Variants in CASD1 observed in about 807,000 individuals in gnomAD.
CASD1 encodes N-acetylneuraminate (7)9-O-acetyltransferase.
CASD1 carries 41 observed loss-of-function variants against 100.0 expected under a neutral mutation model. The observed-to-expected ratio is 0.41, with a 90% CI of 0.32 to 0.53. The LOEUF (loss-of-function observed/expected upper bound fraction) is 0.53, where lower values mean the gene tolerates loss of function less well. Among genes scored for constraint, CASD1 ranks in the 20% least tolerant of loss-of-function variants. The probability of loss-of-function intolerance (pLI) is 0.25; values close to 1 mark genes in which losing one functional copy is unlikely to be tolerated. For missense variants in CASD1, 774 were observed against 948.7 expected (o/e 0.82, Z 2.42); for synonymous variants, 321 against 315.6 (o/e 1.02, Z -0.18).
chr7:94,587,940 T>G, the CASD1 span: 1 of 1,426,826 alleles, frequency 7.0e-7, no homozygotes, highest in Non-Finnish European at 9.1e-7. Flanking sequence ...CCGCTATTCA[T>G]ACTCAGAATT....
intron 13 of CASD1, among the ~76,000 whole-genome samples, chr7:94,547,776 C>T (rs879820329): frequency 3.3e-4 from 50 of 151,696 alleles, no homozygotes; most frequent in Non-Finnish European, 5.3e-4. Context: ...ATTATTTGGG[C>T]AGCATGATAT....
In CASD1 at chr7:94,547,138, T is replaced by C; in HGVS notation, c.1676T>C (p.Phe559Ser). Residue 559 changes from phenylalanine (F) to serine (S), a missense_variant, in exon 13 of 18, where the codon TTT (phenylalanine) becomes TCT (serine). This residue lies in a region of CASD1 where 453 missense variants were observed against 532.6 expected (regional missense o/e 0.85). Coordinates refer to ENST00000297273, the MANE Select transcript of CASD1 (RefSeq NM_022900.5). ...TTTGGCTTACTGTTGAAACTAGGCT[T>C]TTTGCTGTTATTCATATGTTTTTTG... ...WHFGLLLKLG[F>S]LLLFICFLAY... 6.3e-7 allele frequency: 1 copy of C among 1,595,222 alleles called. No homozygotes were observed. Among genetic ancestry groups the C allele is most frequent in the Non-Finnish European group, 8.5e-7 (1 of 1,170,340 alleles).
At chr7:94,548,424 A>G (rs1001842423) in intron 13 of CASD1, among the ~76,000 whole-genome samples, 2 of 151,862 alleles carry the variant, frequency 1.3e-5, no homozygotes, top group Admixed American at 6.6e-5. Flanking sequence ...GTGAATATCT[A>G]TATTCATGCT....
At chr7:94,606,637 A>AGG in the CASD1 span, among the ~76,000 whole-genome samples, 12 of 152,324 alleles carry the variant, frequency 7.9e-5, no homozygotes, top group Non-Finnish European at 1.5e-4. Context: ...GTTTTAATAG[A>AGG]CACTTAGAGA....
intron 3 of CASD1, among the ~76,000 whole-genome samples, chr7:94,520,644 C>A (rs1794212841): frequency 6.6e-6 from 1 of 152,182 alleles, no homozygotes; most frequent in African/African-American, 2.4e-5. Context: ...GTCAAACCAA[C>A]TGGAGCCTAG....
Position 94,520,726 on chromosome 7 carries a change from G to A in CASD1, c.351+2403G>A, listed in dbSNP as rs138680593. On this transcript the variant is annotated intron_variant, in intron 3 of 17. Coordinates refer to ENST00000297273, the MANE Select transcript of CASD1 (RefSeq NM_022900.5). The stretch of plus-strand genomic sequence containing the variant: ...TAATCCCAACACTTTGGGAGGCTGA[G>A]GCAGGCAGATCACGAGGTCAAGAGA... Among the ~76,000 whole-genome samples, 1,385 of 152,316 alleles carry A rather than the reference G, an allele frequency of 9.1e-3. 78 individuals carry two copies. Among genetic ancestry groups the A allele is most frequent in the Admixed American group, 0.081 (1,231 of 15,288 alleles).
chr7:94,574,884 G>T, the CASD1 span, among the ~76,000 whole-genome samples: 1 of 151,942 alleles, frequency 6.6e-6, no homozygotes, highest in Non-Finnish European at 1.5e-5. Context: ...GCAGGAGAAT[G>T]GCATGAACCC....
At chr7:94,536,062 G>A (rs183118730) in intron 8 of CASD1, among the ~76,000 whole-genome samples, 10 of 152,210 alleles carry the variant, frequency 6.6e-5, no homozygotes, top group Admixed American at 5.9e-4. Flanking sequence ...GGCTAACATG[G>A]GGAAACCCCA....
At chr7:94,585,261 T>C in the CASD1 span, 1 of 458,260 alleles carries the variant, frequency 2.2e-6, no homozygotes, top group Non-Finnish European at 3.9e-6. Context: ...AAAGATCAAC[T>C]TTTATTGTAA....
At chr7:94,619,519 C>A in the CASD1 span, 1 of 152,200 alleles carries the variant, frequency 6.6e-6, no homozygotes, top group Non-Finnish European at 1.5e-5. Flanking sequence ...TAAAACAACC[C>A]CATGTCAAAT....
chr7:94,616,683 A>G, the CASD1 span, among the ~76,000 whole-genome samples: 3 of 152,168 alleles, frequency 2.0e-5, no homozygotes, highest in Non-Finnish European at 2.9e-5. Flanking sequence ...GGGCTAAAAA[A>G]TTGTTTCTAT....
intron 14 of CASD1, 71 bp downstream of exon 14, chr7:94,549,705 C>A: frequency 8.8e-7 from 1 of 1,134,988 alleles, no homozygotes; most frequent in Non-Finnish European, 1.3e-6. Flanking sequence ...AATTTTTGAT[C>A]TATCTATACT....
Position 94,510,183 on chromosome 7 carries a change from C to T in CASD1, c.99C>T (p.Leu33=), listed in dbSNP as rs2301644. 365 of 1,514,464 alleles carry T rather than the reference C, an allele frequency of 2.4e-4. 4 individuals carry two copies. In the East Asian group the frequency reaches 7.9e-3, roughly 33 times the overall value. The allele number at this position is 1,514,464 out of a possible 1,614,324, so 93.8% of individuals were successfully genotyped here. A position where few individuals can be genotyped will look rare whatever the true frequency, so the allele number is the denominator to read the frequency against. The change falls in exon 1 of 18, where the codon CTC becomes CTT. Residue 33 remains leucine (L), a synonymous_variant. Coordinates refer to ENST00000297273, the MANE Select transcript of CASD1 (RefSeq NM_022900.5). ...TGGCGCTGGTGGCCGTGCTGCTGCT[C>T]GCAGCGTGCCACCTCGCCTCCCGCC... The part of the protein sequence containing the change: ...KVLALVAVLL[L]AACHLASRRY...
chr7:94,530,933 CT>C (rs1794821992), intron 5 of CASD1, among the ~76,000 whole-genome samples: 1 of 152,064 alleles, frequency 6.6e-6, no homozygotes, highest in Non-Finnish European at 1.5e-5. Flanking sequence ...ACCAGTGTCC[CT>C]TTCAAAACTT....
intron 3 of CASD1, among the ~76,000 whole-genome samples, chr7:94,521,921 T>C (rs973985399): frequency 4.6e-5 from 7 of 152,068 alleles, no homozygotes; most frequent in African/African-American, 7.2e-5. Context: ...CTGTCTCTAC[T>C]AAAAACACAA....
chr7:94,615,810 G>C, the CASD1 span, among the ~76,000 whole-genome samples: 1 of 152,138 alleles, frequency 6.6e-6, no homozygotes, highest in Non-Finnish European at 1.5e-5. Context: ...TGGCAGCCAT[G>C]ACATGCCTGG....
At chr7:94,601,443 C>CAAA in the CASD1 span, among the ~76,000 whole-genome samples, 2,469 of 89,050 alleles carry the variant, frequency 0.028, 419 homozygotes, top group African/African-American at 0.062. Flanking sequence ...ATCCCAGTAT[C>CAAA]AAAAAAAAAA....
At chr7:94,619,179 C>T in the CASD1 span, 1 of 490,326 alleles carries the variant, frequency 2.0e-6, no homozygotes, top group Middle Eastern at 5.5e-4. Context: ...ATCCAAGGCT[C>T]ATCAGAGGCT....
chr7:94,629,776 C>T, the CASD1 span: 2 of 1,611,028 alleles, frequency 1.2e-6, no homozygotes, highest in Non-Finnish European at 1.7e-6. Flanking sequence ...AAAACATGAA[C>T]AAAGAGGACA....
Sources: allele counts gnomAD v4.1 joint callset (sites outside exome capture counted in the v4.1 genomes callset), GRCh38; gene constraint gnomAD v4.1.1; regional missense constraint gnomAD v4.1.1; transcripts MANE v1.5; gene names NCBI Gene and HGNC (gene_info 2026-07-23, HGNC 2026-07-21).